Variants in XPO4 observed in about 807,000 individuals in gnomAD.
The protein encoded by XPO4 is exportin 4.
Under a neutral mutation model 143.0 loss-of-function variants are expected in XPO4, and 39 were observed. The ratio of observed to expected loss-of-function variants is 0.27; its 90% confidence interval spans 0.21 to 0.36. The LOEUF is 0.36. Ranked by LOEUF, XPO4 falls within the 10% of genes least tolerant of loss-of-function variation. XPO4 has a pLI of 1.00. For missense variants in XPO4, 907 were observed against 1,348.0 expected, an observed-to-expected ratio of 0.67 and a Z score of 5.12; for synonymous variants, 439 against 474.0, an observed-to-expected ratio of 0.93 and a Z score of 0.96.
At chr13:20,801,837 G>C (rs1045500039) in intron 13 of XPO4, among the ~76,000 whole-genome samples, 1 of 152,136 alleles carries the variant, frequency 6.6e-6, no homozygotes, top group Admixed American at 6.5e-5. Flanking sequence ...AGCCTGAAAT[G>C]ATCTCATCAT....
chr13:20,824,951 AT>A (rs2059765375), intron 7 of XPO4, among the ~76,000 whole-genome samples: 1 of 152,232 alleles, frequency 6.6e-6, no homozygotes, highest in African/African-American at 2.4e-5. Context: ...GCTGTGCTGA[AT>A]ATAGATGTAG....
chr13:20,897,617 T>G (rs1456990609), intron 1 of XPO4, among the ~76,000 whole-genome samples: 1 of 152,194 alleles, frequency 6.6e-6, no homozygotes, highest in Non-Finnish European at 1.5e-5. Context: ...GTGTCTAACA[T>G]GCTGTGTTTC....
intron 22 of XPO4, among the ~76,000 whole-genome samples, chr13:20,784,521 A>T (rs1002259788): frequency 2.0e-5 from 3 of 152,216 alleles, no homozygotes; most frequent in African/African-American, 7.2e-5. Context: ...CAGGAAGAGG[A>T]CTTTAGTAAA....
chr13:20,783,313 A>G lies in XPO4; in HGVS notation c.*409T>C, dbSNP rs9509373. On this transcript the variant is annotated 3_prime_UTR_variant, in exon 23 of 23. Transcript: ENST00000255305. ...GCTCCTCAAGTGATGCAGGCGATCT[A>G]TGGAGATTTTGAGAAACACTGCCTA... 70,217 of 184,638 alleles carry G rather than the reference A, an allele frequency of 0.38. 15,709 individuals carry two copies. The highest frequency in any genetic ancestry group is 0.5 in the Non-Finnish European group (43,929 of 88,020). The allele number at this position is 184,638 out of a possible 1,614,324, so 11.4% of individuals were successfully genotyped here.
chr13:20,800,440 C>G, intron 14 of XPO4, 115 bp from the exon 15 acceptor site: 20 of 953,330 alleles, frequency 2.1e-5, no homozygotes, highest in Non-Finnish European at 2.6e-5. Context: ...GCTTACTTCA[C>G]ATCAACTTTA....
chr13:20,892,812 A>T (rs2060530912), intron 1 of XPO4, among the ~76,000 whole-genome samples: 1 of 151,892 alleles, frequency 6.6e-6, no homozygotes, highest in East Asian at 1.9e-4. Flanking sequence ...TCAGCCCAGG[A>T]GTTTGAGGCT....
rs771723621 is a variant in XPO4, at chr13:20,862,708, T to C, written c.317+9A>G. On this transcript the variant is annotated intron_variant, in intron 3 of 22. Coordinates refer to ENST00000255305, the MANE Select transcript of XPO4 (RefSeq NM_022459.5). ...AAAGTATTTCAGCAGTCCCCCTCCA[T>C]GTACTTACTTGGGCCTTTGTAAGAC... 12 of 1,613,898 alleles carry C rather than the reference T, an allele frequency of 7.4e-6. No homozygotes were observed. The highest frequency in any genetic ancestry group is 2.2e-5 in the South Asian group (2 of 91,064).
intron 13 of XPO4, among the ~76,000 whole-genome samples, chr13:20,806,946 C>T (rs1461845647): frequency 6.6e-6 from 1 of 152,122 alleles, no homozygotes; most frequent in Non-Finnish European, 1.5e-5. Context: ...AAGTGAATCA[C>T]CTCATTTGAG....
rs1251926113 is a variant in XPO4 at position 20,803,597 on chromosome 13, T to G, written c.1818-2607A>C. On this transcript the variant is annotated intron_variant, in intron 13 of 22. Coordinates refer to ENST00000255305, the MANE Select transcript of XPO4 (RefSeq NM_022459.5). This position sits in a 1 kb window ranked among gnomAD's most constrained non-coding sequence, Gnocchi z 4.1. ...TTTAAATTTATCACCCATGGAATAG[T>G]ATCTCTAAAATATTTTGATCACTTC... 6.6e-6 allele frequency among the ~76,000 whole-genome samples: 1 copy of G among 152,150 alleles called. No individual in the cohort carries two copies. The highest frequency in any genetic ancestry group is 1.5e-5 in the Non-Finnish European group (1 of 68,024).
chr13:20,810,016 G>T, intron 9 of XPO4, 49 bp from the exon 10 acceptor site: 1 of 1,490,428 alleles, frequency 6.7e-7, no homozygotes, highest in South Asian at 1.4e-5. Context: ...AACGACAATT[G>T]GCATAACAAC....
At chr13:20,850,389 C>G (rs1300080864) in intron 4 of XPO4, 1 of 520,738 alleles carries the variant, frequency 1.9e-6, no homozygotes, top group Non-Finnish European at 2.5e-6. Context: ...GATTTAAACC[C>G]AAGTGTGAAT....
In XPO4 at chr13:20,806,999, A is replaced by G. The variant is rs150149302; in HGVS notation, c.1817+458T>C. On this transcript the variant is annotated intron_variant, in intron 13 of 22. Transcript: ENST00000255305. ...AACAGGGCTCTTAAGTTTCACATTTAGAATACATATTTCCATTTTACGAGA... is the reference window on the plus strand; with the variant it reads ...AACAGGGCTCTTAAGTTTCACATTTGGAATACATATTTCCATTTTACGAGA... Among the ~76,000 whole-genome samples the G allele has an allele frequency of 2.2e-3, 336 of 152,258 alleles. 1 individual carries two copies. Among genetic ancestry groups the G allele is most frequent in the African/African-American group, 7.8e-3 (323 of 41,562 alleles).
chr13:20,843,703 T>C, intron 5 of XPO4, 67 bp downstream of exon 5: 2 of 1,115,532 alleles, frequency 1.8e-6, no homozygotes, highest in Non-Finnish European at 2.7e-6. Context: ...TCTCATGTCA[T>C]TAGGAATAGA....
At position 20,827,110 on chromosome 13, in the gene XPO4, C is replaced by A; in HGVS notation, c.797G>T (p.Arg266Leu). 1.9e-6 allele frequency: 3 copies of A among 1,613,968 alleles called. No homozygotes were observed. Among genetic ancestry groups the A allele is most frequent in the Non-Finnish European group, 2.5e-6 (3 of 1,179,888 alleles). Residue 266 changes from arginine to leucine, a missense_variant, in exon 7 of 23, where the codon CGG (arginine) becomes CTG (leucine). Transcript: ENST00000255305. The part of the protein sequence containing the change: ...NVLLKPTESW[R>L]ETLLDSRVME... ...AACTCTGCTGTCCAGAAGAGTCTCCCGCCAGGACTCTGTTGGCTTCAACAG... is the reference window on the plus strand; with the variant it reads ...AACTCTGCTGTCCAGAAGAGTCTCCAGCCAGGACTCTGTTGGCTTCAACAG...
intron 1 of XPO4, among the ~76,000 whole-genome samples, chr13:20,891,989 C>T (rs1055688492): frequency 4.6e-5 from 7 of 151,594 alleles, no homozygotes; most frequent in Non-Finnish European, 8.8e-5. Flanking sequence ...TGCTGCCAGT[C>T]GAACATCAAA....
In XPO4 at chr13:20,785,965, A is replaced by G. The variant is rs371010793; in HGVS notation, c.3258+1000T>C. Among the ~76,000 whole-genome samples, 291 of 124,616 alleles carry G rather than the reference A, an allele frequency of 2.3e-3. 2 individuals carry two copies. Among genetic ancestry groups the G allele is most frequent in the South Asian group, 9.2e-3 (31 of 3,368 alleles). The allele number at this position is 124,616 out of a possible 152,430, so 81.8% of individuals were successfully genotyped here. ...ATGAAAGAAAAAGATAGAAAAAAGA[A>G]AAGAAAAAGAGAGGAAGGAAGGAAG... On this transcript the variant is annotated intron_variant, in intron 22 of 22. Coordinates refer to ENST00000255305, the MANE Select transcript of XPO4 (RefSeq NM_022459.5).
In XPO4 at chr13:20,777,957, A is replaced by G. The variant is rs1007261449; in HGVS notation, c.*5765T>C. Reference sequence around the variant, plus strand: ...TACCATTTCCACTTAGTTTTAAAAGAAAGTCAAACTGAACTGCCATTTGAG... The same window carrying G: ...TACCATTTCCACTTAGTTTTAAAAGGAAGTCAAACTGAACTGCCATTTGAG... On this transcript the variant is annotated 3_prime_UTR_variant, in exon 23 of 23. Transcript: ENST00000255305. 3 of 152,204 alleles carry G rather than the reference A, an allele frequency of 2.0e-5. No individual in the cohort carries two copies. The highest frequency in any genetic ancestry group is 4.4e-5 in the Non-Finnish European group (3 of 68,024). The allele number at this position is 152,204 out of a possible 1,614,324, so 9.4% of individuals were successfully genotyped here.
intron 4 of XPO4, chr13:20,850,455 A>G (rs1358977166): frequency 1.0e-5 from 2 of 195,836 alleles, no homozygotes; most frequent in Non-Finnish European, 1.9e-5. Flanking sequence ...AAATGCAAAC[A>G]TGAGACTAGT....
At chr13:20,860,033 T>C (rs972413112) in intron 3 of XPO4, 15 of 160,472 alleles carry the variant, frequency 9.3e-5, no homozygotes, top group African/African-American at 3.4e-4. Context: ...CCTGACTCCA[T>C]AAGGTAGTCT....
Sources: allele counts gnomAD v4.1 joint callset (sites outside exome capture counted in the v4.1 genomes callset), GRCh38; gene constraint gnomAD v4.1.1; non-coding constraint Gnocchi (gnomAD v3.1); transcripts MANE v1.5; gene names NCBI Gene and HGNC (gene_info 2026-07-23, HGNC 2026-07-21).